Variants in HEATR5A observed in about 807,000 individuals in gnomAD.
The protein encoded by HEATR5A is HEAT repeat-containing protein 5A.
A neutral mutation model predicts 218.8 loss-of-function variants in HEATR5A; 178 were observed. The ratio of observed to expected loss-of-function variants is 0.81; its 90% CI spans 0.72 to 0.92. The LOEUF is 0.92. Among genes scored for constraint, HEATR5A ranks in the 40% least tolerant of loss-of-function variants. The pLI is 0.00. For missense variants in HEATR5A, 2,420 were observed against 2,418.9 expected (o/e 1.00, Z -0.01); for synonymous variants, 864 against 871.6 (o/e 0.99, Z 0.15).
chr14:31,323,621 T>G lies in HEATR5A; in HGVS notation c.3731A>C (p.Asn1244Thr). 2.5e-6 allele frequency: 4 copies of G among 1,612,614 alleles called. No homozygotes were observed. Among genetic ancestry groups the G allele is most frequent in the Non-Finnish European group, 1.7e-6 (2 of 1,178,798 alleles). The change falls in exon 24 of 36, where the codon AAC becomes ACC. Residue 1244 changes from asparagine (N) to threonine (T), a missense_variant. Transcript: ENST00000543095. ...TAAAGCAATGTCAAAATGTGCACTG[T>G]TAGCATTCTCACATTGGTTAATTAT... is the stretch of plus-strand genomic sequence containing the variant. ...CRIINQCENA[N>T]SAHFDIALAQ...
chr14:31,390,688 C>A (rs932829350), intron 6 of HEATR5A, among the ~76,000 whole-genome samples: 1 of 152,114 alleles, frequency 6.6e-6, no homozygotes, highest in African/African-American at 2.4e-5. Flanking sequence ...ACATTACTCA[C>A]GTGTCTGTGG....
intron 14 of HEATR5A, among the ~76,000 whole-genome samples, chr14:31,363,090 T>C (rs1595138782): frequency 6.6e-6 from 1 of 151,652 alleles, no homozygotes; most frequent in South Asian, 2.1e-4. Flanking sequence ...TACAAAAAAA[T>C]TAGCCAGGCA....
At position 31,410,934 on chromosome 14, in the gene HEATR5A, A is replaced by C. The variant is rs570609107; in HGVS notation, c.-74-7885T>G. On this transcript the variant is annotated intron_variant, in intron 1 of 35. Transcript: ENST00000543095. Reference sequence around the variant, plus strand: ...TTCTCTATAACAACCCTACAAATAAATTGGCTATCATTAGTTAAAAATTTG... The same window carrying C: ...TTCTCTATAACAACCCTACAAATAACTTGGCTATCATTAGTTAAAAATTTG... 1.6e-4 allele frequency among the ~76,000 whole-genome samples: 25 copies of C among 152,320 alleles called. No homozygotes were observed. The South Asian group carries it at 4.8e-3, about 29-fold the overall frequency.
At chr14:31,307,425 C>T (rs564742092) in intron 30 of HEATR5A, among the ~76,000 whole-genome samples, 6 of 152,266 alleles carry the variant, frequency 3.9e-5, no homozygotes, top group African/African-American at 1.2e-4. Flanking sequence ...TACCTGACTC[C>T]ACCTGTAGGC....
intron 5 of HEATR5A, 105 bp downstream of exon 5, chr14:31,395,094 T>A (rs7142126): frequency 1.4e-6 from 1 of 697,568 alleles, no homozygotes; most frequent in Non-Finnish European, 2.2e-6. Context: ...GAGATAGTCC[T>A]AGCTGACTAC....
At chr14:31,299,535 C>T (rs1012867676) in intron 33 of HEATR5A, among the ~76,000 whole-genome samples, 1 of 151,998 alleles carries the variant, frequency 6.6e-6, no homozygotes, top group African/African-American at 2.4e-5. Flanking sequence ...GCCTGACCAA[C>T]ATGGAGAAAC....
At chr14:31,303,933 T>C (rs1230544613) in intron 32 of HEATR5A, among the ~76,000 whole-genome samples, 2 of 151,960 alleles carry the variant, frequency 1.3e-5, no homozygotes, top group Non-Finnish European at 2.9e-5. Flanking sequence ...TTGCTGGGCA[T>C]GGTGGCTCAC....
At position 31,295,948 on chromosome 14, in the gene HEATR5A, A is replaced by G; in HGVS notation, c.5580T>C (p.Ile1860=). The change falls in exon 34 of 36, where the codon ATT becomes ATC. Residue 1860 remains isoleucine (I), a synonymous_variant. Transcript: ENST00000543095. ...TCTCAAGAGTAGCTTTAAATTTATC[A>G]ATACAGCGCTTCTGAAGGCATGGGA... is the stretch of plus-strand genomic sequence containing the variant. ...TTIPCLQKRC[I]DKFKATLEIK... The G allele has an allele frequency of 6.2e-7, 1 of 1,613,702 alleles. No homozygotes were observed. The highest frequency in any genetic ancestry group is 8.5e-7 in the Non-Finnish European group (1 of 1,179,720).
At chr14:31,361,941 AATTTATTTATTTATTTATTT>A (rs55748961) in intron 14 of HEATR5A, among the ~76,000 whole-genome samples, 2 of 149,326 alleles carry the variant, frequency 1.3e-5, no homozygotes, top group Non-Finnish European at 3.0e-5. Context: ...TAAAATCAGA[AATTTATTTATTTATTTATTT>A]ATTTATTTAT....
chr14:31,315,295 C>T (rs1457981208), intron 27 of HEATR5A, among the ~76,000 whole-genome samples: 1 of 151,984 alleles, frequency 6.6e-6, no homozygotes, highest in Non-Finnish European at 1.5e-5. Flanking sequence ...TTAAACATTG[C>T]ATAGTAAATT....
At chr14:31,331,849 C>G (rs188103422) in intron 22 of HEATR5A, among the ~76,000 whole-genome samples, 24 of 152,282 alleles carry the variant, frequency 1.6e-4, no homozygotes, top group Admixed American at 8.5e-4. Context: ...CATGAGAACG[C>G]ACTCACTATC....
chr14:31,402,009 TTTG>T lies in HEATR5A; in HGVS notation c.126+838_126+840del, dbSNP rs544092047. ...TTTGTCAGTGTATAGAATTTTGTCTTTTGTTTTTTTTTCCCCAAATCTAGAAGT... is the reference window on the plus strand; with the variant it reads ...TTTGTCAGTGTATAGAATTTTGTCTTTTTTTTTTTCCCCAAATCTAGAAGT... On this transcript the variant is annotated intron_variant, in intron 2 of 35. Coordinates refer to ENST00000543095, the MANE Select transcript of HEATR5A (RefSeq NM_015473.4). 1.1e-3 allele frequency among the ~76,000 whole-genome samples: 169 copies of T among 151,932 alleles called. No individual in the cohort carries two copies. The Middle Eastern group carries it at 0.014, about 12-fold the overall frequency.
At chr14:31,320,632 C>T (rs1839902367) in intron 25 of HEATR5A, 2 of 674,650 alleles carry the variant, frequency 3.0e-6, no homozygotes, top group African/African-American at 1.8e-5. Flanking sequence ...CGGTGGTCTG[C>T]ATTTTTTCAG....
In HEATR5A at chr14:31,309,066, C is replaced by T; in HGVS notation, c.4558G>A (p.Ala1520Thr). Residue 1520 changes from alanine to threonine, a missense_variant, in exon 29 of 36, where the codon GCT (alanine) becomes ACT (threonine). By Grantham distance (58) the Ala-to-Thr change is moderately conservative (BLOSUM62 0). Coordinates refer to ENST00000543095, the MANE Select transcript of HEATR5A (RefSeq NM_015473.4). ...LWLTSTGFVV[A>T]DPDEGASNLS... is the part of the protein sequence containing the mutation. ...TTAGATGCTCCTTCATCTGGGTCAGCAACAACAAAACCCGTGCTTGTAAGC... is the reference window on the plus strand; with the variant it reads ...TTAGATGCTCCTTCATCTGGGTCAGTAACAACAAAACCCGTGCTTGTAAGC... 6.2e-7 allele frequency: 1 copy of T among 1,613,906 alleles called. No homozygotes were observed. Among genetic ancestry groups the T allele is most frequent in the Non-Finnish European group, 8.5e-7 (1 of 1,179,868 alleles).
intron 21 of HEATR5A, among the ~76,000 whole-genome samples, chr14:31,338,116 T>C (rs1382956623): frequency 6.6e-6 from 1 of 152,288 alleles, no homozygotes; most frequent in Admixed American, 6.5e-5. Flanking sequence ...TGTGTGACTG[T>C]GGGCAAATTA....
At chr14:31,399,490 C>T (rs955008385) in intron 3 of HEATR5A, among the ~76,000 whole-genome samples, 1 of 152,168 alleles carries the variant, frequency 6.6e-6, no homozygotes, top group Admixed American at 6.5e-5. Flanking sequence ...TGGGGGAATA[C>T]ATTCTGTTAT....
intron 21 of HEATR5A, among the ~76,000 whole-genome samples, 153 bp downstream of exon 21, chr14:31,343,743 C>T (rs578174210): frequency 6.6e-6 from 1 of 152,272 alleles, no homozygotes; most frequent in African/African-American, 2.4e-5. Context: ...AAGCTGCCCC[C>T]TACTCCCGAA....
chr14:31,302,938 CAAAAA>C (rs747481722), intron 32 of HEATR5A, among the ~76,000 whole-genome samples: 4 of 102,200 alleles, frequency 3.9e-5, no homozygotes, highest in Non-Finnish European at 5.7e-5. Context: ...TTCATCTTTA[CAAAAA>C]AAAAAAAAAA....
intron 35 of HEATR5A, 23 bp downstream of exon 35, chr14:31,293,868 A>G: frequency 6.4e-7 from 1 of 1,550,604 alleles, no homozygotes; most frequent in East Asian, 2.3e-5. Context: ...GAGACTGAGT[A>G]TGAATTTAGT....
Sources: gnomAD v4.1 joint callset for allele counts (sites outside exome capture counted in the v4.1 genomes callset) on GRCh38, gnomAD v4.1.1 for gene constraint, MANE v1.5 for transcripts, NCBI Gene and HGNC (gene_info 2026-07-23, HGNC 2026-07-21) for gene names.